The following CXADR variants were observed in gnomAD, a reference collection of about 807,000 sequenced individuals.
The protein encoded by CXADR is CXADR cell adhesion molecule.
In CXADR, 20 loss-of-function variants were observed where a neutral mutation model predicts 40.3. The observed-to-expected ratio is 0.50, with a 90% CI of 0.35 to 0.72. The LOEUF (loss-of-function observed/expected upper bound fraction) is 0.72. CXADR is among the 30% of genes least tolerant of loss of function. The pLI is 0.01. For synonymous variants in CXADR, 150 were observed against 161.3 expected, an observed-to-expected ratio of 0.93 and a Z score of 0.53; for missense variants, 332 against 449.1, an observed-to-expected ratio of 0.74 and a Z score of 2.36.
At chr21:17,609,112 AAAG>A in the CXADR span, 1 of 1,612,996 alleles carries the variant, frequency 6.2e-7, no homozygotes, top group Non-Finnish European at 8.5e-7. Flanking sequence ...GCCTTGTGAA[AAAG>A]AAGACAACGG....
intron 6 of CXADR, 38 bp downstream of exon 6, chr21:17,561,514 AAT>A: frequency 6.5e-7 from 1 of 1,534,840 alleles, no homozygotes; most frequent in Non-Finnish European, 8.9e-7. Context: ...ATGTATACCA[AAT>A]ATATGTCATT....
the CXADR span, chr21:17,604,248 C>G: frequency 4.5e-6 from 2 of 441,954 alleles, no homozygotes; most frequent in East Asian, 2.5e-4. Context: ...TGAGAGCAGT[C>G]TGGCCAACAT....
At chr21:17,584,617 G>T (rs1363680981) in intron 7 of CXADR, among the ~76,000 whole-genome samples, 1 of 152,170 alleles carries the variant, frequency 6.6e-6, no homozygotes, top group Non-Finnish European at 1.5e-5. Context: ...GGATCACGAG[G>T]TCAGGAGTTT....
At chr21:17,514,325 A>T (rs189304593) in intron 1 of CXADR, among the ~76,000 whole-genome samples, 1 of 151,982 alleles carries the variant, frequency 6.6e-6, no homozygotes, top group African/African-American at 2.4e-5. Flanking sequence ...AGCATTACTC[A>T]TGGGATCAAC....
At chr21:17,614,535 G>C in the CXADR span, among the ~76,000 whole-genome samples, 1 of 152,096 alleles carries the variant, frequency 6.6e-6, no homozygotes, top group African/African-American at 2.4e-5. Flanking sequence ...TTGACTCCAG[G>C]AGTTCAAGAC....
chr21:17,549,394 G>T lies in CXADR; in HGVS notation c.210+2201G>T, dbSNP rs369707469. Among the ~76,000 whole-genome samples the T allele has an allele frequency of 3.0e-4, 45 of 152,278 alleles. No individual in the cohort carries two copies. In the South Asian group the frequency reaches 9.3e-3, roughly 32 times the overall value. On this transcript the variant is annotated intron_variant, in intron 2 of 6. Coordinates refer to ENST00000284878, the MANE Select transcript of CXADR (RefSeq NM_001338.5). ...ACCTAGCATCTCAGGGTCATTACAAGAATTCAGCAAAATACTGTATTCACA... is the reference window on the plus strand; with the variant it reads ...ACCTAGCATCTCAGGGTCATTACAATAATTCAGCAAAATACTGTATTCACA...
the CXADR span, among the ~76,000 whole-genome samples, chr21:17,616,519 T>G: frequency 2.0e-5 from 3 of 151,868 alleles, no homozygotes; most frequent in African/African-American, 7.3e-5. Context: ...GTGTTTTTAG[T>G]AGAGACAAGG....
At chr21:17,609,521 C>A in the CXADR span, among the ~76,000 whole-genome samples, 1 of 152,170 alleles carries the variant, frequency 6.6e-6, no homozygotes, top group South Asian at 2.1e-4. Context: ...GTTTAAAATT[C>A]TGTGAAATGA....
At chr21:17,537,998 G>A (rs2060780792) in intron 1 of CXADR, among the ~76,000 whole-genome samples, 2 of 151,814 alleles carry the variant, frequency 1.3e-5, no homozygotes, top group African/African-American at 4.8e-5. Flanking sequence ...AGAAGAGGAG[G>A]TATCTTTTTT....
intron 7 of CXADR, among the ~76,000 whole-genome samples, chr21:17,586,591 C>A (rs1026484866): frequency 3.3e-5 from 5 of 151,304 alleles, no homozygotes; most frequent in Non-Finnish European, 5.9e-5. Context: ...GTGAGTCAGC[C>A]TCTTCTCAGT....
chr21:17,563,858 G>A (rs1292158598), intron 6 of CXADR, among the ~76,000 whole-genome samples: 7 of 144,882 alleles, frequency 4.8e-5, no homozygotes, highest in Non-Finnish European at 1.1e-4. Context: ...AGAGAATGGC[G>A]TGAACCCGGG....
At chr21:17,624,674 C>T in the CXADR span, among the ~76,000 whole-genome samples, 1 of 152,138 alleles carries the variant, frequency 6.6e-6, no homozygotes, top group African/African-American at 2.4e-5. Context: ...TTTCCGTCTG[C>T]AATTTCTTTG....
the CXADR span, among the ~76,000 whole-genome samples, chr21:17,607,928 T>C: frequency 6.6e-6 from 1 of 152,206 alleles, no homozygotes; most frequent in African/African-American, 2.4e-5. Flanking sequence ...TTCTTTACTT[T>C]AAGCTGTAAA....
intron 7 of CXADR, among the ~76,000 whole-genome samples, chr21:17,592,135 G>A (rs2061442957): frequency 6.6e-6 from 1 of 151,908 alleles, no homozygotes; most frequent in Admixed American, 6.6e-5. Context: ...AGATTTTGTA[G>A]TAACGTGGAA....
intron 1 of CXADR, among the ~76,000 whole-genome samples, chr21:17,515,784 C>T (rs1367534881): frequency 2.0e-5 from 3 of 152,016 alleles, no homozygotes; most frequent in Non-Finnish European, 4.4e-5. Flanking sequence ...CCAGCCTGGG[C>T]GACAGAGCTA....
In CXADR at chr21:17,566,322, T is replaced by C; in HGVS notation, c.*630T>C. 1.0e-6 allele frequency: 1 copy of C among 984,344 alleles called. No individual in the cohort carries two copies. Among genetic ancestry groups the C allele is most frequent in the East Asian group, 1.1e-4 (1 of 8,806 alleles). The allele number at this position is 984,344 out of a possible 1,614,324, so 61.0% of individuals were successfully genotyped here. A position where few individuals can be genotyped will look rare whatever the true frequency, so the allele number is the denominator to read the frequency against. On this transcript the variant is annotated 3_prime_UTR_variant, in exon 7 of 7. Coordinates refer to ENST00000284878, the MANE Select transcript of CXADR (RefSeq NM_001338.5). ...ATGAAATGACTTCTTAAATATTTAG[T>C]TGATAGACTGCTACAGGTAATAGGG...
At chr21:17,584,365 A>G (rs1460157348) in intron 7 of CXADR, among the ~76,000 whole-genome samples, 8 of 152,232 alleles carry the variant, frequency 5.3e-5, no homozygotes, top group Admixed American at 3.9e-4. Flanking sequence ...CGATGTGAAG[A>G]TCATCTTCTA....
chr21:17,541,410 A>T (rs1323910806), intron 1 of CXADR, among the ~76,000 whole-genome samples: 1 of 151,884 alleles, frequency 6.6e-6, no homozygotes, highest in Non-Finnish European at 1.5e-5. Context: ...AAAAAAAATT[A>T]GCCGGACGTG....
At chr21:17,542,562 C>G (rs893002727) in intron 1 of CXADR, among the ~76,000 whole-genome samples, 1 of 152,114 alleles carries the variant, frequency 6.6e-6, no homozygotes, top group African/African-American at 2.4e-5. Flanking sequence ...GAAAAGCAAG[C>G]AGAAAACTGG....
Sources: allele counts gnomAD v4.1 joint callset (sites outside exome capture counted in the v4.1 genomes callset), GRCh38; gene constraint gnomAD v4.1.1; transcripts MANE v1.5; gene names NCBI Gene and HGNC (gene_info 2026-07-23, HGNC 2026-07-21).